Variants in CBLB observed in about 807,000 individuals in gnomAD.
CBLB encodes E3 ubiquitin-protein ligase CBL-B.
CBLB carries 31 observed loss-of-function variants against 104.9 expected under a neutral mutation model. The observed-to-expected ratio is 0.30, with a 90% CI of 0.22 to 0.40. The LOEUF (loss-of-function observed/expected upper bound fraction) is 0.40. Ranked by LOEUF, CBLB falls within the 10% of genes least tolerant of loss-of-function variation. The pLI is 1.00. For missense variants in CBLB, 1,062 were observed against 1,214.6 expected, an observed-to-expected ratio of 0.87 and a Z score of 1.87; for synonymous variants, 440 against 422.6, an observed-to-expected ratio of 1.04 and a Z score of -0.51.
intron 3 of CBLB, among the ~76,000 whole-genome samples, chr3:105,779,152 A>T (rs1317871162): frequency 2.0e-5 from 3 of 152,164 alleles, no homozygotes; most frequent in African/African-American, 7.2e-5. Context: ...ATCATATCCA[A>T]TTTATTTTTT....
chr3:105,796,223 A>G (rs915462579), intron 3 of CBLB, among the ~76,000 whole-genome samples: 30 of 152,236 alleles, frequency 2.0e-4, no homozygotes, highest in African/African-American at 7.0e-4. Context: ...CCAAAACAGC[A>G]TGGTACTGGT....
chr3:105,759,687 C>G (rs2077427583), intron 4 of CBLB, among the ~76,000 whole-genome samples: 1 of 152,230 alleles, frequency 6.6e-6, no homozygotes, highest in Non-Finnish European at 1.5e-5. Context: ...CATCCCAGAG[C>G]AGGCACTGTG....
At chr3:105,660,645 G>A (rs551408736) in intron 18 of CBLB, among the ~76,000 whole-genome samples, 1 of 152,114 alleles carries the variant, frequency 6.6e-6, no homozygotes, top group African/African-American at 2.4e-5. Flanking sequence ...GGTGATGTGA[G>A]GTTAAAAGCC....
intron 2 of CBLB, among the ~76,000 whole-genome samples, chr3:105,861,895 T>C (rs1183604818): frequency 1.3e-5 from 2 of 152,150 alleles, no homozygotes; most frequent in African/African-American, 4.8e-5. Context: ...CCTCTAATCA[T>C]ACAATTCAAT....
chr3:105,852,393 TAAA>T (rs1025547628), intron 3 of CBLB, among the ~76,000 whole-genome samples: 14 of 152,344 alleles, frequency 9.2e-5, no homozygotes, highest in Admixed American at 1.3e-4. Flanking sequence ...AAAAAGTTTA[TAAA>T]ATTTTTTTTA....
intron 4 of CBLB, among the ~76,000 whole-genome samples, chr3:105,769,627 C>CAATG (rs1162671851): frequency 3.3e-5 from 5 of 152,032 alleles, no homozygotes; most frequent in Non-Finnish European, 7.4e-5. Flanking sequence ...AAAACAAAGA[C>CAATG]AATGAGGAGT....
At chr3:105,706,773 C>A (rs1335927785) in intron 10 of CBLB, among the ~76,000 whole-genome samples, 2 of 152,040 alleles carry the variant, frequency 1.3e-5, no homozygotes, top group Non-Finnish European at 1.5e-5. Context: ...CTGTTTCTAG[C>A]CCAAACAATA....
At chr3:105,703,459 T>A (rs543789385) in intron 11 of CBLB, among the ~76,000 whole-genome samples, 49 of 152,330 alleles carry the variant, frequency 3.2e-4, no homozygotes, top group African/African-American at 1.2e-3. Flanking sequence ...AAAAATTATG[T>A]CTTTAATATT....
intron 9 of CBLB, chr3:105,724,060 A>C (rs929070116): frequency 5.8e-6 from 1 of 171,642 alleles, no homozygotes; most frequent in Non-Finnish European, 1.3e-5. Flanking sequence ...AGGTTGCCAC[A>C]AATCTTTTTT....
intron 4 of CBLB, among the ~76,000 whole-genome samples, chr3:105,754,493 A>AAGAGAGAGAGAGAGAGAGAGAGAGAG (rs1208848396): frequency 1.6e-5 from 1 of 64,322 alleles, no homozygotes; most frequent in African/African-American, 5.5e-5. Flanking sequence ...AAGAAAAGGG[A>AAGAGAGAGAGAGAGAGAGAGAGAGAG]AGAGAGAGAG....
chr3:105,668,512 T>G (rs189056219), intron 18 of CBLB, among the ~76,000 whole-genome samples: 98 of 152,318 alleles, frequency 6.4e-4, no homozygotes, highest in Non-Finnish European at 1.1e-3. Flanking sequence ...ATTTTAATAC[T>G]ATTTTCTTTA....
At chr3:105,833,630 C>T (rs1577647368) in intron 3 of CBLB, among the ~76,000 whole-genome samples, 1 of 151,818 alleles carries the variant, frequency 6.6e-6, no homozygotes. Context: ...GAGTTTAATT[C>T]TGGTTTGAAA....
intron 4 of CBLB, among the ~76,000 whole-genome samples, chr3:105,763,970 T>TA (rs1218151230): frequency 6.6e-6 from 1 of 152,194 alleles, no homozygotes; most frequent in South Asian, 2.1e-4. Flanking sequence ...GACATCTGCA[T>TA]ACACTGTGGG....
At chr3:105,737,809 A>G (rs974385726) in intron 7 of CBLB, among the ~76,000 whole-genome samples, 1 of 152,192 alleles carries the variant, frequency 6.6e-6, no homozygotes, top group Non-Finnish European at 1.5e-5. Context: ...GCACATATGC[A>G]AACACACAGA....
At chr3:105,794,394 C>A (rs376172444) in intron 3 of CBLB, among the ~76,000 whole-genome samples, 1 of 152,180 alleles carries the variant, frequency 6.6e-6, no homozygotes, top group East Asian at 1.9e-4. Flanking sequence ...ATTAACCTTA[C>A]GGAGCAGTTT....
At chr3:105,800,786 T>C (rs2082766218) in intron 3 of CBLB, among the ~76,000 whole-genome samples, 1 of 152,130 alleles carries the variant, frequency 6.6e-6, no homozygotes, top group South Asian at 2.1e-4. Flanking sequence ...AATACAATTA[T>C]AGTAAATTAC....
chr3:105,719,410 A>T (rs1179287435), intron 10 of CBLB, among the ~76,000 whole-genome samples: 3 of 152,214 alleles, frequency 2.0e-5, no homozygotes. Context: ...GCCTGTCAAC[A>T]TTATAGTAGT....
intron 5 of CBLB, among the ~76,000 whole-genome samples, chr3:105,746,837 G>A (rs2152897161): frequency 6.6e-6 from 1 of 152,314 alleles, no homozygotes; most frequent in African/African-American, 2.4e-5. Flanking sequence ...CCCATGGGAT[G>A]CCAGGACCAA....
chr3:105,817,015 G>A (rs1427870879), intron 3 of CBLB, among the ~76,000 whole-genome samples: 1 of 152,178 alleles, frequency 6.6e-6, no homozygotes, highest in Non-Finnish European at 1.5e-5. Context: ...GACAGGAACT[G>A]GGTGTGTAGG....
Sources: gnomAD v4.1 joint callset for allele counts (sites outside exome capture counted in the v4.1 genomes callset) on GRCh38, gnomAD v4.1.1 for gene constraint, MANE v1.5 for transcripts, NCBI Gene and HGNC (gene_info 2026-07-23, HGNC 2026-07-21) for gene names.